MITF: variants seen among roughly 807,000 people sequenced by gnomAD.
MITF encodes microphthalmia-associated transcription factor.
Under a neutral mutation model 60.5 loss-of-function variants are expected in MITF, and 17 were observed. The observed-to-expected ratio is 0.28, with a 90% CI of 0.19 to 0.42. The LOEUF (loss-of-function observed/expected upper bound fraction) is 0.42. MITF is among the 10% of genes least tolerant of loss of function. MITF has a pLI of 1.00. For missense variants in MITF, 622 were observed against 683.5 expected, an observed-to-expected ratio of 0.91 and a Z score of 1.00; for synonymous variants, 260 against 248.5, an observed-to-expected ratio of 1.05 and a Z score of -0.43.
chr3:69,782,040 C>T (rs906253770), intron 1 of MITF, among the ~76,000 whole-genome samples: 3 of 152,206 alleles, frequency 2.0e-5, no homozygotes, highest in Non-Finnish European at 4.4e-5. Context: ...AGTTGATAGA[C>T]TCCAGACAGG....
intron 1 of MITF, among the ~76,000 whole-genome samples, chr3:69,790,798 T>G (rs1359376120): frequency 6.6e-6 from 1 of 152,154 alleles, no homozygotes; most frequent in East Asian, 1.9e-4. Context: ...GCACCCCACT[T>G]TCAGTCCTAG....
intron 1 of MITF, among the ~76,000 whole-genome samples, chr3:69,823,379 G>A (rs758299203): frequency 6.6e-6 from 1 of 152,096 alleles, no homozygotes; most frequent in Non-Finnish European, 1.5e-5. Flanking sequence ...CAAGGTGCTG[G>A]CAGATTTGAT....
At chr3:69,920,570 C>G (rs936362625) in intron 2 of MITF, among the ~76,000 whole-genome samples, 5 of 152,140 alleles carry the variant, frequency 3.3e-5, no homozygotes, top group African/African-American at 1.2e-4. Context: ...CTGTCTTTCT[C>G]TCTGTCTCCT....
At chr3:69,951,640 T>C (rs923151004) in intron 6 of MITF, among the ~76,000 whole-genome samples, 172 bp from the exon 7 acceptor site, 2 of 152,188 alleles carry the variant, frequency 1.3e-5, no homozygotes, top group African/African-American at 2.4e-5. Context: ...TATATATTGC[T>C]TTTGAAAACA....
intron 1 of MITF, among the ~76,000 whole-genome samples, chr3:69,794,345 A>C (rs12635962): frequency 6.6e-6 from 1 of 152,218 alleles, no homozygotes; most frequent in South Asian, 2.1e-4. Context: ...CCTTCATCAG[A>C]AATGTGACCC....
At chr3:69,860,619 A>G (rs1316003324) in intron 1 of MITF, among the ~76,000 whole-genome samples, 1 of 151,938 alleles carries the variant, frequency 6.6e-6, no homozygotes. Flanking sequence ...AAAAAAAAAA[A>G]AAATTCACTT....
intron 1 of MITF, among the ~76,000 whole-genome samples, chr3:69,797,103 A>G (rs2062843835): frequency 6.6e-6 from 1 of 152,182 alleles, no homozygotes; most frequent in Admixed American, 6.5e-5. Flanking sequence ...TTTGTATCAT[A>G]ATTTAGTCCA....
At chr3:69,835,773 G>A (rs1237691854) in intron 1 of MITF, among the ~76,000 whole-genome samples, 1 of 152,054 alleles carries the variant, frequency 6.6e-6, no homozygotes, top group Admixed American at 6.6e-5. Context: ...TTTGTAAAAA[G>A]TCATTTGGCT....
At chr3:69,805,079 C>T (rs2062983999) in intron 1 of MITF, among the ~76,000 whole-genome samples, 1 of 152,138 alleles carries the variant, frequency 6.6e-6, no homozygotes, top group Non-Finnish European at 1.5e-5. Context: ...TTTAAACAAA[C>T]AAGAACCAAG....
At chr3:69,950,168 G>A (rs1034906119) in intron 6 of MITF, among the ~76,000 whole-genome samples, 3 of 151,886 alleles carry the variant, frequency 2.0e-5, no homozygotes, top group African/African-American at 7.3e-5. Context: ...AGTAGCTCAC[G>A]CCTGTAATCT....
chr3:69,888,958 G>C (rs1039436486), intron 2 of MITF, among the ~76,000 whole-genome samples: 1 of 150,490 alleles, frequency 6.6e-6, no homozygotes, highest in Non-Finnish European at 1.5e-5. Context: ...GTATTGGCTC[G>C]GTGTGATTTG....
At chr3:69,837,425 A>G (rs371569630) in intron 1 of MITF, among the ~76,000 whole-genome samples, 6 of 152,366 alleles carry the variant, frequency 3.9e-5, no homozygotes, top group African/African-American at 1.2e-4. Context: ...GTGCCCACAG[A>G]GTACTGAGCC....
intron 1 of MITF, among the ~76,000 whole-genome samples, chr3:69,846,816 CAAAAAAAA>C (rs375853591): frequency 1.0e-5 from 1 of 100,306 alleles, no homozygotes; most frequent in African/African-American, 4.1e-5. Context: ...GACTCTTTCT[CAAAAAAAA>C]AAAAAAAAAA....
intron 1 of MITF, among the ~76,000 whole-genome samples, chr3:69,860,956 G>A (rs914807120): frequency 6.6e-6 from 1 of 152,176 alleles, no homozygotes; most frequent in Admixed American, 6.5e-5. Context: ...AGAGATAAAC[G>A]TGAGTGAGTG....
intron 1 of MITF, among the ~76,000 whole-genome samples, chr3:69,829,259 C>A (rs1006664615): frequency 1.3e-5 from 2 of 152,092 alleles, no homozygotes; most frequent in African/African-American, 4.8e-5. Flanking sequence ...AAACTAATGC[C>A]ACAGACGGTT....
At chr3:69,952,900 G>C (rs1422708095) in intron 7 of MITF, among the ~76,000 whole-genome samples, 1 of 152,112 alleles carries the variant, frequency 6.6e-6, no homozygotes, top group African/African-American at 2.4e-5. Context: ...GTATTTTATA[G>C]TGTGACTGTA....
intron 2 of MITF, among the ~76,000 whole-genome samples, chr3:69,906,498 T>C (rs1009306545): frequency 2.0e-5 from 3 of 152,196 alleles, no homozygotes; most frequent in African/African-American, 7.2e-5. Flanking sequence ...TTGCTTTGGT[T>C]AATAAGTGCC....
intron 1 of MITF, among the ~76,000 whole-genome samples, chr3:69,776,535 G>A (rs1356498185): frequency 6.6e-6 from 1 of 152,182 alleles, no homozygotes; most frequent in Admixed American, 6.5e-5. Flanking sequence ...AACTGAGTTA[G>A]TATGTGTCAA....
In MITF at chr3:69,849,241, G is replaced by T. The variant is rs536427510; in HGVS notation, c.105-29893G>T. Among the ~76,000 whole-genome samples, 709 of 152,226 alleles carry T rather than the reference G, an allele frequency of 4.7e-3. 3 individuals carry two copies. The highest frequency in any genetic ancestry group is 7.6e-3 in the Non-Finnish European group (520 of 67,994). On this transcript the variant is annotated intron_variant, in intron 1 of 9. Coordinates refer to ENST00000352241, the MANE Select transcript of MITF (RefSeq NM_001354604.2). ...GGCCTCCCAAAGTGCTGGGATTACA[G>T]GCGTGAGCCACCGCGCCCGGCCGGG... is the stretch of plus-strand genomic sequence containing the variant.
Sources: allele counts gnomAD v4.1 joint callset (sites outside exome capture counted in the v4.1 genomes callset), GRCh38; gene constraint gnomAD v4.1.1; transcripts MANE v1.5; gene names NCBI Gene and HGNC (gene_info 2026-07-23, HGNC 2026-07-21).